TMEM53: variants seen among roughly 807,000 people sequenced by gnomAD.
TMEM53 encodes the protein novel DUF829 domain-containing protein.
A neutral mutation model predicts 21.4 loss-of-function variants in TMEM53; 14 were observed. The observed-to-expected ratio is 0.65, with a 90% CI of 0.43 to 1.02. The LOEUF is 1.02. TMEM53 is among the 50% of genes least tolerant of loss of function. The pLI, the probability that TMEM53 is intolerant of heterozygous loss-of-function variation, is 0.00. For missense variants in TMEM53, 323 were observed against 383.6 expected, an observed-to-expected ratio of 0.84 and a Z score of 1.32; for synonymous variants, 148 against 157.4, an observed-to-expected ratio of 0.94 and a Z score of 0.45.
chr1:44,674,225 C>A, intron 1 of TMEM53, 106 bp downstream of exon 1: 1 of 1,474,284 alleles, frequency 6.8e-7, no homozygotes, highest in South Asian at 1.4e-5. Flanking sequence ...AGGGGGCGGC[C>A]CGAGGGAGGG....
chr1:44,662,641 C>A (rs1644912049), intron 1 of TMEM53, among the ~76,000 whole-genome samples: 1 of 152,046 alleles, frequency 6.6e-6, no homozygotes, highest in Admixed American at 6.5e-5. Flanking sequence ...TGGGAGGCTC[C>A]CTTACCTCTG....
intron 1 of TMEM53, 152 bp downstream of exon 1, chr1:44,674,179 G>A (rs919621406): frequency 1.9e-5 from 25 of 1,340,294 alleles, no homozygotes; most frequent in Non-Finnish European, 2.1e-5. Context: ...GGGGCTCTCT[G>A]AGCCTCTCTA....
chr1:44,655,226 G>A lies in TMEM53; in HGVS notation c.184-17C>T, dbSNP rs781551897. ...GATGCAGCCCTGGGGAGAGAGGCCT[G>A]GTCAGTCCTCACAGATGAGGTGGGG... On this transcript the variant is annotated splice_polypyrimidine_tract_variant and intron_variant, in intron 2 of 2. Coordinates refer to ENST00000372237, the MANE Select transcript of TMEM53 (RefSeq NM_024587.4). This position sits in a 1 kb window ranked among gnomAD's most constrained non-coding sequence, Gnocchi z 4.4. The A allele has an allele frequency of 1.1e-5, 17 of 1,578,810 alleles. No homozygotes were observed. Among genetic ancestry groups the A allele is most frequent in the Non-Finnish European group, 1.5e-5 (17 of 1,162,042 alleles).
At chr1:44,658,924 C>G (rs1557492223) in intron 2 of TMEM53, among the ~76,000 whole-genome samples, 1 of 152,148 alleles carries the variant, frequency 6.6e-6, no homozygotes, top group East Asian at 1.9e-4. Context: ...CCTCCAAGCC[C>G]CACCTCTTGC....
chr1:44,667,769 G>C (rs1175517563), intron 1 of TMEM53, among the ~76,000 whole-genome samples: 1 of 152,018 alleles, frequency 6.6e-6, no homozygotes, highest in Non-Finnish European at 1.5e-5. Flanking sequence ...AACAACAGGG[G>C]AGGTGGTCCA....
chr1:44,665,136 A>T (rs1448150226), intron 1 of TMEM53, among the ~76,000 whole-genome samples: 1 of 145,098 alleles, frequency 6.9e-6, no homozygotes, highest in African/African-American at 2.6e-5. Context: ...CCTCCTCTGT[A>T]CTGCCACAGC....
At chr1:44,656,209 G>T (rs1442378460) in intron 2 of TMEM53, among the ~76,000 whole-genome samples, 4 of 152,094 alleles carry the variant, frequency 2.6e-5, no homozygotes, top group African/African-American at 7.2e-5. Flanking sequence ...TTCTGAGTCT[G>T]GGTCCCCATC....
chr1:44,671,797 C>T (rs1645003527), intron 1 of TMEM53, among the ~76,000 whole-genome samples: 4 of 152,088 alleles, frequency 2.6e-5, no homozygotes, highest in Admixed American at 2.0e-4. Context: ...GGCATGGTGG[C>T]GGGTGCCTGT....
At chr1:44,661,176 T>C (rs1365891413) in intron 1 of TMEM53, among the ~76,000 whole-genome samples, 2 of 152,112 alleles carry the variant, frequency 1.3e-5, no homozygotes, top group Non-Finnish European at 2.9e-5. Context: ...AAATATTGAC[T>C]GGCCCTTTAC....
chr1:44,659,085 G>A (rs1644875875), intron 2 of TMEM53, among the ~76,000 whole-genome samples: 1 of 152,224 alleles, frequency 6.6e-6, no homozygotes, highest in African/African-American at 2.4e-5. Flanking sequence ...CAGTGAGGCT[G>A]TCTGTAAAAA....
At chr1:44,666,074 A>G (rs1455373645) in intron 1 of TMEM53, among the ~76,000 whole-genome samples, 1 of 152,252 alleles carries the variant, frequency 6.6e-6, no homozygotes, top group African/African-American at 2.4e-5. Context: ...ACCTGAATAT[A>G]TTAAGCAGGT....
chr1:44,663,859 T>C (rs183334076), intron 1 of TMEM53, among the ~76,000 whole-genome samples: 1 of 152,346 alleles, frequency 6.6e-6, no homozygotes, highest in East Asian at 1.9e-4. Context: ...GGCACTATTG[T>C]AAGCATTTTA....
chr1:44,671,091 G>A (rs1352364574), intron 1 of TMEM53, among the ~76,000 whole-genome samples: 2 of 152,202 alleles, frequency 1.3e-5, no homozygotes, highest in Admixed American at 6.5e-5. Flanking sequence ...CACGACAACA[G>A]GAAAATATAG....
chr1:44,674,148 G>C, intron 1 of TMEM53, 183 bp downstream of exon 1: 5 of 985,420 alleles, frequency 5.1e-6, no homozygotes, highest in Non-Finnish European at 4.8e-6. Context: ...GGAACACTCT[G>C]GGGCGGGACT....
Position 44,674,474 on chromosome 1 carries a change from C to T in TMEM53, c.-83G>A. On this transcript the variant is annotated 5_prime_UTR_variant, in exon 1 of 3. Coordinates refer to ENST00000372237, the MANE Select transcript of TMEM53 (RefSeq NM_024587.4). ...GTGCCTCACCCGGGCGCCTCCTGGG[C>T]GCCGCCCAATCACCACACACCTCCC... 1 of 1,423,566 alleles carries T rather than the reference C, an allele frequency of 7.0e-7. No homozygotes were observed. The highest frequency in any genetic ancestry group is 9.5e-7 in the Non-Finnish European group (1 of 1,050,236). The allele number at this position is 1,423,566 out of a possible 1,614,324, so 88.2% of individuals were successfully genotyped here.
intron 1 of TMEM53, among the ~76,000 whole-genome samples, chr1:44,666,644 T>C (rs1644950850): frequency 6.6e-6 from 1 of 152,228 alleles, no homozygotes; most frequent in East Asian, 1.9e-4. Flanking sequence ...ATGACTTCAT[T>C]TATATAAAAT....
chr1:44,670,928 T>C (rs549968688), intron 1 of TMEM53, among the ~76,000 whole-genome samples: 2 of 152,294 alleles, frequency 1.3e-5, no homozygotes, highest in South Asian at 4.2e-4. Flanking sequence ...TGGCTGACCA[T>C]TCTCTGGATG....
At chr1:44,663,986 C>G (rs779389385) in intron 1 of TMEM53, among the ~76,000 whole-genome samples, 6 of 151,936 alleles carry the variant, frequency 3.9e-5, no homozygotes, top group Admixed American at 6.6e-5. Flanking sequence ...CATGGCGAAA[C>G]CTCATCTCTA....
At chr1:44,668,719 A>G (rs897060684) in intron 1 of TMEM53, among the ~76,000 whole-genome samples, 2 of 151,668 alleles carry the variant, frequency 1.3e-5, no homozygotes, top group African/African-American at 4.8e-5. Context: ...TTTTTGTATT[A>G]TTTTGCAGAG....
Sources: gnomAD v4.1 joint callset for allele counts (sites outside exome capture counted in the v4.1 genomes callset) on GRCh38, gnomAD v4.1.1 for gene constraint, Gnocchi (gnomAD v3.1) non-coding constraint, MANE v1.5 for transcripts, NCBI Gene and HGNC (gene_info 2026-07-23, HGNC 2026-07-21) for gene names.